Variants in MGAT4C observed in about 807,000 individuals in gnomAD.
MGAT4C encodes MGAT4 family member C.
MGAT4C carries 19 observed loss-of-function variants against 40.1 expected under a neutral mutation model. The ratio of observed to expected loss-of-function variants is 0.47; its 90% confidence interval spans 0.33 to 0.70. The LOEUF (loss-of-function observed/expected upper bound fraction) is 0.70. MGAT4C is among the 30% of genes least tolerant of loss of function. The pLI is 0.02. For missense variants in MGAT4C, 491 were observed against 563.2 expected (o/e 0.87, Z 1.30); for synonymous variants, 181 against 187.1 (o/e 0.97, Z 0.27).
At chr12:86,534,470 C>T (rs1026870288) in intron 2 of MGAT4C, among the ~76,000 whole-genome samples, 2 of 152,122 alleles carry the variant, frequency 1.3e-5, no homozygotes, top group Admixed American at 1.3e-4. Context: ...TGTACACCAA[C>T]CACCTTAGGA....
chr12:86,374,261 C>A (rs1955782260), intron 3 of MGAT4C, among the ~76,000 whole-genome samples: 1 of 152,052 alleles, frequency 6.6e-6, no homozygotes, highest in African/African-American at 2.4e-5. Context: ...AGGATTTCAA[C>A]AAATGATACT....
At chr12:86,030,735 G>A (rs1241081533) in intron 2 of MGAT4C, among the ~76,000 whole-genome samples, 1 of 151,538 alleles carries the variant, frequency 6.6e-6, no homozygotes, top group Non-Finnish European at 1.5e-5. Context: ...TATGCAAAAT[G>A]GGCTAAAACT....
intron 2 of MGAT4C, among the ~76,000 whole-genome samples, chr12:86,507,539 C>T (rs535071830): frequency 6.6e-6 from 1 of 152,156 alleles, no homozygotes; most frequent in African/African-American, 2.4e-5. Flanking sequence ...GAAGAATATG[C>T]TTTCCTTGCC....
chr12:86,777,431 G>A (rs1951765105), intron 1 of MGAT4C, among the ~76,000 whole-genome samples: 1 of 152,094 alleles, frequency 6.6e-6, no homozygotes, highest in East Asian at 1.9e-4. Flanking sequence ...ATCAGAATTG[G>A]ACTGGTTTAC....
chr12:86,353,200 A>T (rs1955215533), intron 3 of MGAT4C, among the ~76,000 whole-genome samples: 1 of 152,052 alleles, frequency 6.6e-6, no homozygotes, highest in African/African-American at 2.4e-5. Flanking sequence ...TCTACAGTAA[A>T]GCCTCAAAAC....
intron 3 of MGAT4C, among the ~76,000 whole-genome samples, chr12:86,415,176 A>C (rs1956683214): frequency 6.6e-6 from 1 of 152,036 alleles, no homozygotes; most frequent in Non-Finnish European, 1.5e-5. Flanking sequence ...ATTGTCTATC[A>C]AAAGAGAATT....
chr12:86,653,084 G>A (rs1963738433), intron 2 of MGAT4C, among the ~76,000 whole-genome samples: 1 of 151,720 alleles, frequency 6.6e-6, no homozygotes, highest in Non-Finnish European at 1.5e-5. Context: ...TTGATATTTT[G>A]CTTGTGGAGT....
intron 1 of MGAT4C, among the ~76,000 whole-genome samples, chr12:86,136,828 C>T (rs779660786): frequency 7.2e-5 from 11 of 152,038 alleles, no homozygotes; most frequent in Non-Finnish European, 1.0e-4. Flanking sequence ...GCTGGAATTA[C>T]AGGCACACAC....
intron 1 of MGAT4C, among the ~76,000 whole-genome samples, chr12:86,120,127 AT>A (rs1879127580): frequency 6.6e-6 from 1 of 151,932 alleles, no homozygotes; most frequent in African/African-American, 2.4e-5. Flanking sequence ...ACAGAAAAAA[AT>A]AGGTAAGAAA....
intron 1 of MGAT4C, among the ~76,000 whole-genome samples, chr12:86,069,186 AAT>A (rs1329518824): frequency 7.0e-6 from 1 of 142,044 alleles, no homozygotes; most frequent in Non-Finnish European, 1.6e-5. Context: ...AGTTAAAAAT[AAT>A]ATAACATTAT....
At chr12:86,609,463 T>C (rs956780674) in intron 2 of MGAT4C, among the ~76,000 whole-genome samples, 1 of 150,598 alleles carries the variant, frequency 6.6e-6, no homozygotes, top group African/African-American at 2.4e-5. Flanking sequence ...TTTTAAAAAG[T>C]AAAAAAAAAG....
At chr12:86,295,185 T>C (rs1277319933) in intron 4 of MGAT4C, among the ~76,000 whole-genome samples, 3 of 152,220 alleles carry the variant, frequency 2.0e-5, no homozygotes, top group African/African-American at 7.2e-5. Flanking sequence ...TTTATTTAAA[T>C]AGTATACATA....
At chr12:86,330,431 G>T (rs763450108) in intron 4 of MGAT4C, among the ~76,000 whole-genome samples, 1 of 152,050 alleles carries the variant, frequency 6.6e-6, no homozygotes, top group Non-Finnish European at 1.5e-5. Context: ...CTTTTCTCTT[G>T]TTAATCTGTC....
chr12:86,030,152 G>A (rs1022397483), intron 2 of MGAT4C, among the ~76,000 whole-genome samples: 4 of 151,674 alleles, frequency 2.6e-5, no homozygotes, highest in Non-Finnish European at 5.9e-5. Context: ...GAGTCTCAGC[G>A]ATTGAAATAA....
At chr12:86,179,781 A>T (rs1446481343) in intron 1 of MGAT4C, among the ~76,000 whole-genome samples, 1 of 152,212 alleles carries the variant, frequency 6.6e-6, no homozygotes, top group Non-Finnish European at 1.5e-5. Flanking sequence ...GGGTGCTGTT[A>T]AAAGCATTCC....
At chr12:86,126,845 G>A (rs989037660) in intron 1 of MGAT4C, among the ~76,000 whole-genome samples, 3 of 152,154 alleles carry the variant, frequency 2.0e-5, no homozygotes, top group Non-Finnish European at 2.9e-5. Context: ...ACCTGGGACC[G>A]GTTTTGGGGA....
chr12:86,822,331 G>A lies in MGAT4C; in HGVS notation c.-262+16335C>T, dbSNP rs747558298. On this transcript the variant is annotated intron_variant, in intron 1 of 7. Coordinates refer to the MGAT4C transcript ENST00000548651. ...GACTAACAAAACAAATCACAAAATG[G>A]CAGTAGGAAATCTTCCCTTACTAAG... Among the ~76,000 whole-genome samples, 16 of 151,118 alleles carry A rather than the reference G, an allele frequency of 1.1e-4. 1 individual carries two copies. In the Middle Eastern group the frequency reaches 0.021, roughly 194 times the overall value.
At chr12:86,580,641 T>C (rs1960744898) in intron 2 of MGAT4C, among the ~76,000 whole-genome samples, 1 of 151,458 alleles carries the variant, frequency 6.6e-6, no homozygotes, top group South Asian at 2.1e-4. Flanking sequence ...ATGTGATGGG[T>C]GTAATTAGCA....
intron 1 of MGAT4C, among the ~76,000 whole-genome samples, chr12:86,238,041 A>G (rs1254900618): frequency 6.6e-6 from 1 of 152,008 alleles, no homozygotes; most frequent in South Asian, 2.1e-4. Flanking sequence ...ATAGCCATCA[A>G]TAAGTATAAT....
Sources: gnomAD v4.1 joint callset for allele counts (sites outside exome capture counted in the v4.1 genomes callset) on GRCh38, gnomAD v4.1.1 for gene constraint, MANE v1.5 for transcripts, NCBI Gene and HGNC (gene_info 2026-07-23, HGNC 2026-07-21) for gene names.